Variants in PCMTD1 observed in about 807,000 individuals in gnomAD.
The protein encoded by PCMTD1 is protein-L-isoaspartate O-methyltransferase domain-containing protein 1.
A neutral mutation model predicts 37.6 loss-of-function variants in PCMTD1; 12 were observed. That is an observed-to-expected ratio of 0.32 (90% CI 0.20 to 0.52). The LOEUF (loss-of-function observed/expected upper bound fraction) is 0.52. Among genes scored for constraint, PCMTD1 ranks in the 20% least tolerant of loss-of-function variants. The pLI is 0.97. For synonymous variants in PCMTD1, 117 were observed against 135.8 expected, an observed-to-expected ratio of 0.86 and a Z score of 0.96; for missense variants, 235 against 421.3, an observed-to-expected ratio of 0.56 and a Z score of 3.87.
At chr8:51,876,764 T>G (rs1417481134) in intron 1 of PCMTD1, among the ~76,000 whole-genome samples, 1 of 152,100 alleles carries the variant, frequency 6.6e-6, no homozygotes, top group Non-Finnish European at 1.5e-5. Flanking sequence ...AGTCATAAAA[T>G]AAAATGAGAA....
intron 5 of PCMTD1, among the ~76,000 whole-genome samples, chr8:51,822,909 T>C (rs2037869613): frequency 6.6e-6 from 1 of 152,250 alleles, no homozygotes; most frequent in Non-Finnish European, 1.5e-5. Flanking sequence ...CCGCTGATCT[T>C]GGCTCTTGAA....
chr8:51,890,065 T>C (rs1441591079), intron 1 of PCMTD1, among the ~76,000 whole-genome samples: 1 of 152,000 alleles, frequency 6.6e-6, no homozygotes, highest in African/African-American at 2.4e-5. Flanking sequence ...TAAACTACTT[T>C]AAGTCCATGG....
At position 51,874,465 on chromosome 8, in the gene PCMTD1, G is replaced by C. The variant is rs2038684474; in HGVS notation, c.-95-13219C>G. On this transcript the variant is annotated intron_variant, in intron 1 of 5. Coordinates refer to ENST00000522514, the MANE Select transcript of PCMTD1 (RefSeq NM_052937.4). ...GGTCCCAGAGATAGTCTTTGCTCCA[G>C]AAAACCAGTCTCTTAAATGGTTACT... 2.6e-5 allele frequency among the ~76,000 whole-genome samples: 4 copies of C among 152,098 alleles called. No individual in the cohort carries two copies. In the South Asian group the frequency reaches 8.3e-4, roughly 32 times the overall value.
At chr8:51,854,595 T>C (rs919484450) in intron 2 of PCMTD1, among the ~76,000 whole-genome samples, 1 of 152,168 alleles carries the variant, frequency 6.6e-6, no homozygotes, top group African/African-American at 2.4e-5. Flanking sequence ...CAAGAATGGA[T>C]GGGCCAGGCG....
At position 51,898,912 on chromosome 8, in the gene PCMTD1, C is replaced by T; in HGVS notation, c.-96+18G>A. On this transcript the variant is annotated intron_variant, in intron 1 of 5. Transcript: ENST00000522514. ...CGCACACCCCACGACCCCGAGCCCC[C>T]ACTGGCGGCGGCGTTACCTGTGGCG... 7.6e-7 allele frequency: 1 copy of T among 1,323,090 alleles called. No individual in the cohort carries two copies. Among genetic ancestry groups the T allele is most frequent in the Non-Finnish European group, 9.6e-7 (1 of 1,038,064 alleles). 82.0% of individuals were successfully genotyped at this position (1,323,090 alleles called of 1,614,324 possible).
At chr8:51,881,551 A>G (rs1420610646) in intron 1 of PCMTD1, among the ~76,000 whole-genome samples, 1 of 152,236 alleles carries the variant, frequency 6.6e-6, no homozygotes, top group Non-Finnish European at 1.5e-5. Flanking sequence ...AGACAGGCAG[A>G]GTGTAGTAAG....
chr8:51,898,907 G>GC, intron 1 of PCMTD1, 23 bp downstream of exon 1: 1 of 1,320,516 alleles, frequency 7.6e-7, no homozygotes, highest in Non-Finnish European at 9.6e-7. Context: ...ACGACCCCGA[G>GC]CCCCCACTGG....
At chr8:51,839,706 T>A in intron 3 of PCMTD1, 3 of 747,270 alleles carry the variant, frequency 4.0e-6, no homozygotes, top group Non-Finnish European at 4.9e-6. Flanking sequence ...TTTGCACACC[T>A]AGTTTATCAC....
At chr8:51,865,438 G>C (rs188031682) in intron 1 of PCMTD1, among the ~76,000 whole-genome samples, 4 of 152,140 alleles carry the variant, frequency 2.6e-5, no homozygotes, top group African/African-American at 9.6e-5. Context: ...CAAAATACTA[G>C]CAAACCAAAT....
intron 2 of PCMTD1, among the ~76,000 whole-genome samples, chr8:51,850,771 G>C (rs951547481): frequency 2.0e-5 from 3 of 151,994 alleles, no homozygotes; most frequent in Non-Finnish European, 2.9e-5. Flanking sequence ...AATATAAAAG[G>C]ATCTTTCAAT....
intron 3 of PCMTD1, among the ~76,000 whole-genome samples, chr8:51,837,067 G>T (rs1486233500): frequency 6.6e-6 from 1 of 152,026 alleles, no homozygotes; most frequent in African/African-American, 2.4e-5. Flanking sequence ...TGGGCCAGGG[G>T]GGCCTTTCTG....
At chr8:51,822,842 C>T (rs1025616069) in intron 5 of PCMTD1, among the ~76,000 whole-genome samples, 2 of 152,170 alleles carry the variant, frequency 1.3e-5, no homozygotes, top group African/African-American at 4.8e-5. Flanking sequence ...AATAAATCTA[C>T]CCTAAAGTTT....
Position 51,846,523 on chromosome 8 carries a change from T to C in PCMTD1, c.308-760A>G, listed in dbSNP as rs546681288. Among the ~76,000 whole-genome samples the C allele has an allele frequency of 2.2e-4, 33 of 152,314 alleles. No homozygotes were observed. In the South Asian group the frequency reaches 6.8e-3, roughly 32 times the overall value. ...CTGCCCCATGACCCACATGAGAATA[T>C]AACACACAAATTACAGTTAGTCCCT... On this transcript the variant is annotated intron_variant, in intron 2 of 5. Coordinates refer to ENST00000522514, the MANE Select transcript of PCMTD1 (RefSeq NM_052937.4).
intron 4 of PCMTD1, among the ~76,000 whole-genome samples, chr8:51,832,259 T>C (rs1353623197): frequency 6.6e-6 from 1 of 152,248 alleles, no homozygotes; most frequent in Non-Finnish European, 1.5e-5. Flanking sequence ...TGAAAATGTA[T>C]CGTTAAAGAA....
intron 3 of PCMTD1, among the ~76,000 whole-genome samples, chr8:51,840,830 T>G (rs13263610): frequency 0.062 from 9,386 of 152,194 alleles, 379 homozygotes; most frequent in Non-Finnish European, 0.087. Flanking sequence ...GACCCATCCC[T>G]GACCCCAATA....
intron 4 of PCMTD1, among the ~76,000 whole-genome samples, chr8:51,832,453 G>C (rs2038011284): frequency 6.6e-6 from 1 of 152,120 alleles, no homozygotes; most frequent in South Asian, 2.1e-4. Context: ...AATGACACAT[G>C]GTGATGTTAA....
At chr8:51,894,677 G>A (rs1268474219) in intron 1 of PCMTD1, among the ~76,000 whole-genome samples, 1 of 152,014 alleles carries the variant, frequency 6.6e-6, no homozygotes, top group Non-Finnish European at 1.5e-5. Flanking sequence ...TTAATAAGCA[G>A]TATTCACAAT....
intron 1 of PCMTD1, among the ~76,000 whole-genome samples, chr8:51,866,056 A>G (rs1053528705): frequency 1.3e-5 from 2 of 151,810 alleles, no homozygotes; most frequent in African/African-American, 4.8e-5. Context: ...AATCAATCCC[A>G]TTTACAACAA....
chr8:51,892,910 GA>G (rs1219873629), intron 1 of PCMTD1, among the ~76,000 whole-genome samples: 1 of 152,172 alleles, frequency 6.6e-6, no homozygotes, highest in Non-Finnish European at 1.5e-5. Context: ...TCCCAGGGGG[GA>G]AAATGGGAGG....
Sources: gnomAD v4.1 joint callset for allele counts (sites outside exome capture counted in the v4.1 genomes callset) on GRCh38, gnomAD v4.1.1 for gene constraint, MANE v1.5 for transcripts, NCBI Gene and HGNC (gene_info 2026-07-23, HGNC 2026-07-21) for gene names.